ROBO2: variants seen among roughly 807,000 people sequenced by gnomAD.
ROBO2 encodes roundabout guidance receptor 2.
In ROBO2, 53 loss-of-function variants were observed where a neutral mutation model predicts 160.8. The observed-to-expected ratio is 0.33, with a 90% confidence interval of 0.26 to 0.41. The LOEUF (loss-of-function observed/expected upper bound fraction) is 0.41, where lower values mean the gene tolerates loss of function less well. Among genes scored for constraint, ROBO2 ranks in the 10% least tolerant of loss-of-function variants. The pLI, the probability that ROBO2 is intolerant of heterozygous loss-of-function variation, is 1.00. For missense variants in ROBO2, 1,577 were observed against 1,722.4 expected (o/e 0.92, Z 1.49); for synonymous variants, 664 against 611.7 (o/e 1.09, Z -1.26).
intron 2 of ROBO2, among the ~76,000 whole-genome samples, chr3:77,323,878 T>G (rs1046523134): frequency 6.6e-6 from 1 of 152,190 alleles, no homozygotes; most frequent in Admixed American, 6.5e-5. Flanking sequence ...TTTAAAAATA[T>G]TTTTGTTCAA....
intron 2 of ROBO2, among the ~76,000 whole-genome samples, chr3:76,431,341 A>G (rs2076429243): frequency 6.6e-6 from 1 of 152,144 alleles, no homozygotes; most frequent in Non-Finnish European, 1.5e-5. Context: ...TAAGAATTCT[A>G]TAGTGACTAA....
intron 2 of ROBO2, among the ~76,000 whole-genome samples, chr3:76,329,338 C>T (rs748154504): frequency 4.6e-5 from 7 of 152,166 alleles, no homozygotes; most frequent in Admixed American, 1.3e-4. Context: ...ATGCCTCAGC[C>T]CCCTGAGTAG....
intron 2 of ROBO2, among the ~76,000 whole-genome samples, chr3:76,079,868 T>G (rs2108018531): frequency 6.6e-6 from 1 of 152,138 alleles, no homozygotes; most frequent in African/African-American, 2.4e-5. Context: ...AGAAAGAAAT[T>G]TCTACAAAAT....
intron 2 of ROBO2, among the ~76,000 whole-genome samples, chr3:76,268,212 G>A (rs1196909870): frequency 6.6e-6 from 1 of 151,848 alleles, no homozygotes; most frequent in Non-Finnish European, 1.5e-5. Context: ...CAAGGCTGCA[G>A]TGAGCCATAA....
chr3:76,988,383 G>A (rs1008332746), intron 2 of ROBO2, among the ~76,000 whole-genome samples: 1 of 152,134 alleles, frequency 6.6e-6, no homozygotes. Context: ...AGGTGAATAA[G>A]TCAGGCTAAA....
At chr3:77,530,006 G>T (rs574915992) in intron 6 of ROBO2, among the ~76,000 whole-genome samples, 4 of 151,896 alleles carry the variant, frequency 2.6e-5, no homozygotes, top group African/African-American at 9.6e-5. Context: ...TGGTCAAAAA[G>T]TATAAGCCAA....
At chr3:77,275,532 A>G (rs944547460) in intron 2 of ROBO2, among the ~76,000 whole-genome samples, 3 of 152,142 alleles carry the variant, frequency 2.0e-5, no homozygotes, top group Non-Finnish European at 4.4e-5. Context: ...TCCTTTTAAT[A>G]TGTGCAGCAA....
At chr3:77,568,396 G>A in exon 13 of ROBO2, 2 of 1,612,962 alleles carry the variant, frequency 1.2e-6, no homozygotes, top group Non-Finnish European at 1.7e-6. Context: ...TCATAATCCA[G>A]TTGTGCTGAC....
intron 2 of ROBO2, among the ~76,000 whole-genome samples, chr3:77,247,602 G>C (rs2089877444): frequency 6.6e-6 from 1 of 152,130 alleles, no homozygotes; most frequent in Non-Finnish European, 1.5e-5. Context: ...GTATCAGTTA[G>C]AGAATATTTC....
chr3:77,575,004 T>G (rs1439504923), intron 14 of ROBO2, among the ~76,000 whole-genome samples: 2 of 152,140 alleles, frequency 1.3e-5, no homozygotes, highest in Non-Finnish European at 2.9e-5. Context: ...CCCTATATTT[T>G]GTGTAGATTT....
chr3:77,343,288 T>G (rs2153452641), intron 2 of ROBO2, among the ~76,000 whole-genome samples: 1 of 152,266 alleles, frequency 6.6e-6, no homozygotes, highest in East Asian at 1.9e-4. Flanking sequence ...GAGGACTGAA[T>G]TTTTCTCTTC....
chr3:76,540,744 A>G lies in ROBO2; in HGVS notation c.110-557270A>G, dbSNP rs533545204. 5.9e-5 allele frequency among the ~76,000 whole-genome samples: 9 copies of G among 152,124 alleles called. 1 individual carries two copies. Among genetic ancestry groups the G allele is most frequent in the Admixed American group, 1.3e-4 (2 of 15,264 alleles). On this transcript the variant is annotated intron_variant, in intron 2 of 26. Coordinates refer to the ROBO2 transcript ENST00000487694. ...CCATTGGCCTTGACATAAGAAATAG[A>G]AAAAAAGAAAAGTTTGTTATTTTTA...
intron 2 of ROBO2, among the ~76,000 whole-genome samples, chr3:76,776,111 A>G (rs1322441459): frequency 6.6e-6 from 1 of 150,936 alleles, no homozygotes; most frequent in African/African-American, 2.4e-5. Flanking sequence ...ATGCCTTGAC[A>G]GAACATACAT....
chr3:76,010,709 T>C (rs2107610140), intron 2 of ROBO2, among the ~76,000 whole-genome samples: 1 of 152,370 alleles, frequency 6.6e-6, no homozygotes, highest in South Asian at 2.1e-4. Context: ...AATTTTATCC[T>C]ATTAAGATGT....
chr3:75,912,377 T>C (rs186688498), intron 1 of ROBO2, among the ~76,000 whole-genome samples: 14 of 152,290 alleles, frequency 9.2e-5, no homozygotes, highest in Admixed American at 3.9e-4. Flanking sequence ...AACATAAATA[T>C]AATGGAGGGT....
chr3:76,735,453 G>A (rs73119315), intron 2 of ROBO2, among the ~76,000 whole-genome samples: 3,569 of 152,208 alleles, frequency 0.023, 68 homozygotes, highest in Non-Finnish European at 0.037. Context: ...GAGGAAGGCA[G>A]CGGGGCATGG....
chr3:76,575,341 A>G (rs1028199777), intron 2 of ROBO2, among the ~76,000 whole-genome samples: 4 of 152,028 alleles, frequency 2.6e-5, no homozygotes, highest in Non-Finnish European at 5.9e-5. Context: ...ATATTTCTTT[A>G]TATTACTAAT....
chr3:76,242,119 G>A (rs1045296515), intron 2 of ROBO2, among the ~76,000 whole-genome samples: 14 of 151,994 alleles, frequency 9.2e-5, no homozygotes, highest in African/African-American at 3.4e-4. Flanking sequence ...TTTATTAAGC[G>A]GTCAAATAAT....
intron 2 of ROBO2, among the ~76,000 whole-genome samples, chr3:77,030,106 G>T (rs1023075214): frequency 6.6e-6 from 1 of 151,844 alleles, no homozygotes. Context: ...CACCACGCCC[G>T]GCTAATTTTC....
Sources: allele counts gnomAD v4.1 joint callset (sites outside exome capture counted in the v4.1 genomes callset), GRCh38; gene constraint gnomAD v4.1.1; transcripts MANE v1.5; gene names NCBI Gene and HGNC (gene_info 2026-07-23, HGNC 2026-07-21).